Variants in MARCO observed in about 807,000 individuals in gnomAD.
MARCO encodes the protein macrophage receptor with collagenous structure, also known as macrophage receptor MARCO.
A neutral mutation model predicts 70.0 loss-of-function variants in MARCO; 72 were observed. That is an observed-to-expected ratio of 1.03 (90% confidence interval 0.85 to 1.25). MARCO has a LOEUF of 1.25. Ranked by LOEUF, MARCO falls within the 50% of genes most tolerant of loss-of-function variation. The pLI, the probability that MARCO is intolerant of heterozygous loss-of-function variation, is 0.00. For synonymous variants in MARCO, 273 were observed against 243.1 expected (o/e 1.12, Z -1.14); for missense variants, 696 against 659.3 (o/e 1.06, Z -0.61).
intron 1 of MARCO, among the ~76,000 whole-genome samples, chr2:118,956,537 A>C (rs142520472): frequency 0.19 from 20,291 of 109,036 alleles, 2,925 homozygotes; most frequent in South Asian, 0.46. Context: ...CAGCAACACA[A>C]TAATAGTGAG....
At chr2:118,993,372 T>C in intron 16 of MARCO, 72 bp downstream of exon 16, 3 of 1,471,008 alleles carry the variant, frequency 2.0e-6, no homozygotes, top group Non-Finnish European at 2.8e-6. Flanking sequence ...GGTGGGGTGT[T>C]GGCAAGTGAC....
intron 8 of MARCO, among the ~76,000 whole-genome samples, chr2:118,979,119 A>T (rs1236678628): frequency 1.3e-5 from 2 of 152,218 alleles, no homozygotes; most frequent in Non-Finnish European, 2.9e-5. Context: ...TTACAAAAAA[A>T]CTGGGAAGCC....
In MARCO at chr2:118,990,462, G is replaced by T. The variant is rs762588598; in HGVS notation, c.1064-127G>T. On this transcript the variant is annotated intron_variant, in intron 12 of 16. Transcript: ENST00000327097. ...TCTGCTGAAGAGGCTTTAAACAATC[G>T]TGGAGAACCAATGTATCTTTCCATC... is the stretch of plus-strand genomic sequence containing the variant. 1.1e-5 allele frequency: 10 copies of T among 875,038 alleles called. No homozygotes were observed. The South Asian group carries it at 1.6e-4, about 14-fold the overall frequency. 54.2% of individuals were successfully genotyped at this position (875,038 alleles called of 1,614,324 possible).
At chr2:118,992,941 T>G in intron 15 of MARCO, 183 bp from the exon 16 acceptor site, 1 of 598,212 alleles carries the variant, frequency 1.7e-6, no homozygotes, top group South Asian at 2.3e-5. Flanking sequence ...CCCAGGTGCA[T>G]GGAGGCTGCG....
At chr2:118,945,787 T>TGA (rs1443273218) in intron 1 of MARCO, among the ~76,000 whole-genome samples, 1 of 152,190 alleles carries the variant, frequency 6.6e-6, no homozygotes, top group African/African-American at 2.4e-5. Flanking sequence ...ACATTCTTCT[T>TGA]GAGAGAGAAG....
intron 11 of MARCO, 34 bp downstream of exon 11, chr2:118,982,288 G>A (rs1680408974): frequency 6.2e-7 from 1 of 1,612,080 alleles, no homozygotes; most frequent in East Asian, 2.2e-5. Flanking sequence ...GGCACAGGGA[G>A]TGATGTGTGA....
chr2:118,984,730 T>C (rs1460299777), intron 12 of MARCO, among the ~76,000 whole-genome samples: 1 of 152,172 alleles, frequency 6.6e-6, no homozygotes, highest in African/African-American at 2.4e-5. Flanking sequence ...ACTTCTGAAG[T>C]GGGAGAAGCA....
At chr2:118,969,011 G>T (rs1680109690) in intron 1 of MARCO, 149 bp from the exon 2 acceptor site, 1 of 635,280 alleles carries the variant, frequency 1.6e-6, no homozygotes, top group Admixed American at 2.6e-5. Flanking sequence ...AGGATTGGGG[G>T]ATGATTTGGG....
chr2:118,981,005 G>A lies in MARCO; in HGVS notation c.767-404G>A, dbSNP rs139572270. Among the ~76,000 whole-genome samples the A allele has an allele frequency of 3.9e-5, 6 of 152,310 alleles. No individual in the cohort carries two copies. In the East Asian group the frequency reaches 1.2e-3, roughly 29 times the overall value. On this transcript the variant is annotated intron_variant, in intron 8 of 16. Transcript: ENST00000327097. ...CTGCAGTGTTTTTCTCTCTATTGATGCCTCAGAGTTGCTATTCTCAGCATT... is the reference window on the plus strand; with the variant it reads ...CTGCAGTGTTTTTCTCTCTATTGATACCTCAGAGTTGCTATTCTCAGCATT...
chr2:118,948,003 AC>A (rs1268567569), intron 1 of MARCO, among the ~76,000 whole-genome samples: 2 of 152,164 alleles, frequency 1.3e-5, no homozygotes, highest in Non-Finnish European at 2.9e-5. Flanking sequence ...GGTTCTTTTA[AC>A]TAAATTTTTA....
At chr2:118,966,019 G>A (rs1414115265) in intron 1 of MARCO, among the ~76,000 whole-genome samples, 1 of 152,098 alleles carries the variant, frequency 6.6e-6, no homozygotes, top group Non-Finnish European at 1.5e-5. Context: ...GTTATAGCAC[G>A]GGAGGAGGAC....
At chr2:118,944,213 C>T (rs1165753575) in intron 1 of MARCO, among the ~76,000 whole-genome samples, 1 of 152,078 alleles carries the variant, frequency 6.6e-6, no homozygotes, top group African/African-American at 2.4e-5. Flanking sequence ...CATAGTGAGA[C>T]CCTATCTCCA....
chr2:118,966,883 T>A (rs1680062075), intron 1 of MARCO, among the ~76,000 whole-genome samples: 3 of 152,242 alleles, frequency 2.0e-5, no homozygotes, highest in Admixed American at 6.5e-5. Flanking sequence ...TCCCCTCGTG[T>A]GTTATTTGTC....
intron 12 of MARCO, among the ~76,000 whole-genome samples, chr2:118,989,900 C>T (rs934360438): frequency 3.3e-5 from 5 of 151,998 alleles, no homozygotes; most frequent in Non-Finnish European, 1.5e-5. Flanking sequence ...GCTAAATGAA[C>T]AAATTATTAT....
chr2:118,962,183 G>A (rs931669257), intron 1 of MARCO, among the ~76,000 whole-genome samples: 1 of 152,056 alleles, frequency 6.6e-6, no homozygotes, highest in Non-Finnish European at 1.5e-5. Flanking sequence ...TTTTGCTTAG[G>A]ATTTTCTTGG....
chr2:118,993,734 T>A (rs543748960), intron 16 of MARCO, among the ~76,000 whole-genome samples: 2 of 152,356 alleles, frequency 1.3e-5, no homozygotes, highest in Non-Finnish European at 2.9e-5. Flanking sequence ...TTGGCTGTGA[T>A]CATCTTTAAA....
In MARCO at chr2:118,947,172, G is replaced by A. The variant is rs374658771; in HGVS notation, c.97+4775G>A. On this transcript the variant is annotated intron_variant, in intron 1 of 16. Transcript: ENST00000327097. ...TGCAAAAGTTTTTAATTCTGACAAGGTCCAACCTAACAATTTTTCCATGTA... is the reference window on the plus strand; with the variant it reads ...TGCAAAAGTTTTTAATTCTGACAAGATCCAACCTAACAATTTTTCCATGTA... Among the ~76,000 whole-genome samples, 62 of 152,182 alleles carry A rather than the reference G, an allele frequency of 4.1e-4. 1 individual carries two copies. In the East Asian group the frequency reaches 8.7e-3, roughly 21 times the overall value.
chr2:118,956,784 A>G (rs971745654), intron 1 of MARCO, among the ~76,000 whole-genome samples: 15 of 152,176 alleles, frequency 9.9e-5, no homozygotes, highest in Admixed American at 9.2e-4. Context: ...TTGAAATTAT[A>G]TCAAGCATTC....
rs1194425740 is a variant in MARCO, at chr2:118,969,271, G to A, written c.199+10G>A. ...CTGCTGGTGGTCCAAGGTAAAGCAG[G>A]CTTGGTCCTGTGTAGTCCCTCCTGG... On this transcript the variant is annotated intron_variant, in intron 2 of 16. Coordinates refer to ENST00000327097, the MANE Select transcript of MARCO (RefSeq NM_006770.4). 3 of 1,611,708 alleles carry A rather than the reference G, an allele frequency of 1.9e-6. No individual in the cohort carries two copies. The highest frequency in any genetic ancestry group is 2.2e-5 in the East Asian group (1 of 44,864).
Sources: allele counts gnomAD v4.1 joint callset (sites outside exome capture counted in the v4.1 genomes callset), GRCh38; gene constraint gnomAD v4.1.1; transcripts MANE v1.5; gene names NCBI Gene and HGNC (gene_info 2026-07-23, HGNC 2026-07-21).